The following CENPP variants were observed in gnomAD, a reference collection of about 807,000 sequenced individuals.
CENPP encodes centromere protein P.
In CENPP, 24 loss-of-function variants were observed where a neutral mutation model predicts 35.6. The observed-to-expected ratio is 0.67, with a 90% confidence interval of 0.49 to 0.95. The LOEUF (loss-of-function observed/expected upper bound fraction) is 0.95, where lower values mean the gene tolerates loss of function less well. Among genes scored for constraint, CENPP ranks in the 40% least tolerant of loss-of-function variants. The probability of loss-of-function intolerance (pLI) is 0.00; values close to 1 mark genes in which losing one functional copy is unlikely to be tolerated. For missense variants in CENPP, 332 were observed against 345.3 expected (o/e 0.96, Z 0.31); for synonymous variants, 120 against 125.5 (o/e 0.96, Z 0.29).
At position 92,476,627 on chromosome 9, in the gene CENPP, A is replaced by C. The variant is rs1165765090; in HGVS notation, c.564+96768A>C. Among the ~76,000 whole-genome samples the C allele has an allele frequency of 6.6e-6, 1 of 152,180 alleles. No individual in the cohort carries two copies. The highest frequency in any genetic ancestry group is 1.5e-5 in the Non-Finnish European group (1 of 68,032). On this transcript the variant is annotated intron_variant, in intron 5 of 7. Coordinates refer to ENST00000375587, the MANE Select transcript of CENPP (RefSeq NM_001012267.3). This position sits in a 1 kb window ranked among gnomAD's most constrained non-coding sequence, Gnocchi z 4.1. Reference sequence around the variant, plus strand: ...ACAGGACAGATCTGAGAATGGCAAGAGTTTTTTATATTTTAATAATCCTAT... The same window carrying C: ...ACAGGACAGATCTGAGAATGGCAAGCGTTTTTTATATTTTAATAATCCTAT...
rs1389171318 is a variant in CENPP at position 92,338,992 on chromosome 9, A to C, written c.378+1363A>C. On this transcript the variant is annotated intron_variant, in intron 3 of 7. Transcript: ENST00000375587. ...GCAGAACAGGGCTCAGCCACCTTCA[A>C]AGGCTGACTCCAAGAAAAGTTGAAA... 4.6e-5 allele frequency among the ~76,000 whole-genome samples: 7 copies of C among 152,178 alleles called. No homozygotes were observed. In the East Asian group the frequency reaches 1.2e-3, roughly 25 times the overall value.
chr9:92,483,991 A>G (rs185077359), intron 5 of CENPP, among the ~76,000 whole-genome samples: 6 of 152,294 alleles, frequency 3.9e-5, no homozygotes, highest in African/African-American at 1.4e-4. Context: ...TTGCAAATGT[A>G]TCTGTTAACT....
At chr9:92,578,748 G>A (rs1167385163) in intron 5 of CENPP, among the ~76,000 whole-genome samples, 2 of 151,748 alleles carry the variant, frequency 1.3e-5, no homozygotes, top group South Asian at 2.1e-4. Flanking sequence ...CATTCTGTAG[G>A]TTGCCTGTTC....
chr9:92,464,417 T>C (rs1845227955), intron 5 of CENPP, among the ~76,000 whole-genome samples: 1 of 152,210 alleles, frequency 6.6e-6, no homozygotes, highest in Admixed American at 6.5e-5. Context: ...TATTGGCCCA[T>C]TAGTCTTCAC....
At chr9:92,383,453 A>T (rs1475221619) in intron 5 of CENPP, among the ~76,000 whole-genome samples, 1 of 152,170 alleles carries the variant, frequency 6.6e-6, no homozygotes, top group East Asian at 1.9e-4. Flanking sequence ...CCATTTATGT[A>T]TGTCTTTAGT....
chr9:92,600,468 A>G, intron 5 of CENPP: 1 of 1,612,826 alleles, frequency 6.2e-7, no homozygotes, highest in South Asian at 1.1e-5. Flanking sequence ...GGGAGGATGG[A>G]GGCTCCCAGC....
At chr9:92,606,861 G>C (rs1851095969) in intron 5 of CENPP, among the ~76,000 whole-genome samples, 2 of 152,156 alleles carry the variant, frequency 1.3e-5, no homozygotes, top group Non-Finnish European at 2.9e-5. Flanking sequence ...TACTCAGGAA[G>C]CTGAGGCAGG....
intron 5 of CENPP, chr9:92,414,440 A>C (rs1391665342): frequency 4.8e-6 from 1 of 208,008 alleles, no homozygotes; most frequent in Non-Finnish European, 9.8e-6. Context: ...TAAAATACAA[A>C]TTGCAATGAG....
intron 5 of CENPP, chr9:92,500,986 A>G: frequency 1.9e-6 from 3 of 1,614,202 alleles, no homozygotes; most frequent in Non-Finnish European, 2.5e-6. Context: ...AGGTGCAGCA[A>G]GGACTTGGGT....
intron 4 of CENPP, among the ~76,000 whole-genome samples, chr9:92,372,731 C>T (rs1266502292): frequency 1.3e-5 from 2 of 152,082 alleles, no homozygotes; most frequent in African/African-American, 4.8e-5. Context: ...ATTTTCTTCA[C>T]ACACTGAATA....
At chr9:92,393,518 A>C (rs934915326) in intron 5 of CENPP, among the ~76,000 whole-genome samples, 1 of 152,292 alleles carries the variant, frequency 6.6e-6, no homozygotes, top group Middle Eastern at 3.4e-3. Context: ...AAACCAAAAA[A>C]ATTTACAAAG....
intron 5 of CENPP, among the ~76,000 whole-genome samples, chr9:92,501,441 G>C (rs1012303657): frequency 1.3e-5 from 2 of 152,180 alleles, no homozygotes; most frequent in African/African-American, 4.8e-5. Flanking sequence ...AGTTGTCTCT[G>C]GTTCCAGCAA....
At chr9:92,370,913 A>G (rs1341706079) in intron 4 of CENPP, among the ~76,000 whole-genome samples, 1 of 151,978 alleles carries the variant, frequency 6.6e-6, no homozygotes, top group East Asian at 1.9e-4. Flanking sequence ...GTTGTTGATA[A>G]TAGTCTCTCA....
intron 4 of CENPP, among the ~76,000 whole-genome samples, chr9:92,374,911 T>C (rs775460240): frequency 6.6e-6 from 1 of 152,230 alleles, no homozygotes; most frequent in African/African-American, 2.4e-5. Context: ...CTTTCTTGAA[T>C]CAGGGAATGT....
At chr9:92,541,625 C>T (rs184863929) in intron 5 of CENPP, among the ~76,000 whole-genome samples, 11 of 151,820 alleles carry the variant, frequency 7.2e-5, no homozygotes, top group South Asian at 2.1e-4. Flanking sequence ...TAATGTCCTC[C>T]GGGTTCATCC....
chr9:92,404,505 T>A, intron 5 of CENPP: 6 of 1,292,384 alleles, frequency 4.6e-6, no homozygotes, highest in Non-Finnish European at 6.1e-6. Context: ...CCGTTGTAGC[T>A]GTTTTGAAGT....
intron 5 of CENPP, among the ~76,000 whole-genome samples, chr9:92,422,142 C>G (rs1843823423): frequency 1.3e-5 from 2 of 152,020 alleles, no homozygotes. Context: ...CCTCCGCCTC[C>G]CAGGCTCAAG....
At chr9:92,468,404 G>A (rs1388795588) in intron 5 of CENPP, among the ~76,000 whole-genome samples, 1 of 152,136 alleles carries the variant, frequency 6.6e-6, no homozygotes, top group Non-Finnish European at 1.5e-5. Flanking sequence ...ACAGTGTAAG[G>A]ACAGAAGATG....
intron 4 of CENPP, among the ~76,000 whole-genome samples, chr9:92,349,516 G>T (rs995949655): frequency 3.3e-5 from 5 of 150,994 alleles, no homozygotes; most frequent in African/African-American, 1.2e-4. Flanking sequence ...TGATTCTCCT[G>T]CCTCAGCCTC....
Sources: allele counts gnomAD v4.1 joint callset (sites outside exome capture counted in the v4.1 genomes callset), GRCh38; gene constraint gnomAD v4.1.1; non-coding constraint Gnocchi (gnomAD v3.1); transcripts MANE v1.5; gene names NCBI Gene and HGNC (gene_info 2026-07-23, HGNC 2026-07-21).